Variants in WDR35 observed in about 807,000 individuals in gnomAD.
WDR35 encodes the protein WD repeat domain 35, also known as WD repeat-containing protein 35.
In WDR35, 118 loss-of-function variants were observed where a neutral mutation model predicts 158.3. That is an observed-to-expected ratio of 0.75 (90% confidence interval 0.64 to 0.87). The LOEUF (loss-of-function observed/expected upper bound fraction) is 0.87, where lower values mean the gene tolerates loss of function less well. Ranked by LOEUF, WDR35 falls within the 40% of genes least tolerant of loss-of-function variation. The pLI is 0.00. For missense variants in WDR35, 1,263 were observed against 1,405.8 expected, an observed-to-expected ratio of 0.90 and a Z score of 1.62; for synonymous variants, 448 against 476.1, an observed-to-expected ratio of 0.94 and a Z score of 0.77.
At chr2:19,982,680 G>A in intron 2 of WDR35, 146 bp from the exon 3 acceptor site, 1 of 840,350 alleles carries the variant, frequency 1.2e-6, no homozygotes, top group Non-Finnish European at 1.8e-6. Flanking sequence ...GTATAAACAT[G>A]AACAATAACA....
chr2:19,935,686 A>T, intron 20 of WDR35, 83 bp from the exon 21 acceptor site: 1 of 1,500,898 alleles, frequency 6.7e-7, no homozygotes, highest in Non-Finnish European at 9.1e-7. Context: ...ATGTTCCTTC[A>T]TCATAATTCC....
intron 25 of WDR35, among the ~76,000 whole-genome samples, chr2:19,924,303 G>T (rs1670286463): frequency 6.6e-6 from 1 of 152,136 alleles, no homozygotes; most frequent in Non-Finnish European, 1.5e-5. Flanking sequence ...AGTGGCTCAT[G>T]CCTGTAATCC....
intron 25 of WDR35, 24 bp from the exon 26 acceptor site, chr2:19,914,301 G>T (rs781726185): frequency 1.7e-5 from 27 of 1,613,448 alleles, no homozygotes; most frequent in South Asian, 9.9e-5. Context: ...GGCAATTGGG[G>T]TTTTTTAAAA....
At chr2:19,943,172 T>C (rs1670931360) in intron 16 of WDR35, among the ~76,000 whole-genome samples, 1 of 152,024 alleles carries the variant, frequency 6.6e-6, no homozygotes. Flanking sequence ...AAAAGTAATA[T>C]TAATAATGCA....
In WDR35 at chr2:19,954,442, T is replaced by C. The variant is rs568712780; in HGVS notation, c.1256-464A>G. Among the ~76,000 whole-genome samples, 213 of 152,282 alleles carry C rather than the reference T, an allele frequency of 1.4e-3. 2 individuals are homozygous for C. The highest frequency in any genetic ancestry group is 5.0e-3 in the African/African-American group (208 of 41,570). ...CGTGTATCTGAAAAGAAATTTTATCTAGAAAATATAAAGAACTCTTACAAC... is the reference window on the plus strand; with the variant it reads ...CGTGTATCTGAAAAGAAATTTTATCCAGAAAATATAAAGAACTCTTACAAC... On this transcript the variant is annotated intron_variant, in intron 11 of 26. Transcript: ENST00000281405.
At chr2:19,937,719 G>T in intron 19 of WDR35, 24 bp downstream of exon 19, 1 of 1,613,912 alleles carries the variant, frequency 6.2e-7, no homozygotes, top group South Asian at 1.1e-5. Context: ...AGTACTCAGG[G>T]ATGCCTGCGC....
chr2:19,980,887 G>T, intron 3 of WDR35, 104 bp from the exon 4 acceptor site: 1 of 1,001,786 alleles, frequency 1.0e-6, no homozygotes, highest in Non-Finnish European at 1.5e-6. Context: ...TATGGTTCCT[G>T]TACAGCTAAC....
intron 25 of WDR35, 141 bp from the exon 26 acceptor site, chr2:19,914,418 A>G: frequency 1.2e-5 from 13 of 1,069,144 alleles, no homozygotes; most frequent in Non-Finnish European, 1.8e-5. Flanking sequence ...AGATGGGAGC[A>G]CCAAGAGGAG....
At chr2:19,964,381 C>CTTTTTTTT (rs558586617) in intron 10 of WDR35, among the ~76,000 whole-genome samples, 82 of 113,416 alleles carry the variant, frequency 7.2e-4, no homozygotes, top group Non-Finnish European at 8.8e-4. Flanking sequence ...CTTTTCTTTT[C>CTTTTTTTT]TTTTTTTTTT....
intron 3 of WDR35, 30 bp from the exon 4 acceptor site, chr2:19,980,813 T>TA: frequency 1.3e-6 from 2 of 1,586,546 alleles, no homozygotes; most frequent in Non-Finnish European, 8.7e-7. Context: ...TTTAGAAACT[T>TA]AAAGGTTACA....
intron 10 of WDR35, among the ~76,000 whole-genome samples, chr2:19,965,112 A>T (rs999081860): frequency 6.6e-6 from 1 of 152,058 alleles, no homozygotes; most frequent in Non-Finnish European, 1.5e-5. Flanking sequence ...TAGTAGAGAC[A>T]GGGTTTCACC....
intron 3 of WDR35, among the ~76,000 whole-genome samples, chr2:19,982,160 T>C (rs912921071): frequency 9.9e-5 from 15 of 152,164 alleles, no homozygotes; most frequent in Admixed American, 6.5e-5. Context: ...TTACATAAGA[T>C]ATTCAACATT....
chr2:19,942,541 A>G (rs1297868622), intron 16 of WDR35, among the ~76,000 whole-genome samples: 1 of 150,416 alleles, frequency 6.6e-6, no homozygotes, highest in Non-Finnish European at 1.5e-5. Flanking sequence ...CATGTTTATC[A>G]TTAGAAATTT....
At chr2:19,989,047 G>T in intron 2 of WDR35, 118 bp downstream of exon 2, 1 of 902,856 alleles carries the variant, frequency 1.1e-6, no homozygotes, top group Non-Finnish European at 1.8e-6. Context: ...AAAATGTTTT[G>T]GTAGTTTTCC....
intron 25 of WDR35, among the ~76,000 whole-genome samples, chr2:19,923,538 A>G (rs1379393423): frequency 6.6e-6 from 1 of 152,208 alleles, no homozygotes; most frequent in Non-Finnish European, 1.5e-5. Flanking sequence ...CTAAAGCTAA[A>G]GCGGTAAAGG....
intron 2 of WDR35, among the ~76,000 whole-genome samples, chr2:19,982,908 A>G (rs1035338054): frequency 5.9e-5 from 9 of 152,230 alleles, no homozygotes; most frequent in African/African-American, 2.2e-4. Context: ...TAGATTACAC[A>G]GAATCTTATA....
At chr2:19,933,248 C>A (rs78685213) in intron 22 of WDR35, among the ~76,000 whole-genome samples, 153 bp downstream of exon 22, 10 of 152,146 alleles carry the variant, frequency 6.6e-5, no homozygotes, top group African/African-American at 2.4e-5. Flanking sequence ...TAAGAGAATA[C>A]CCGCCTGGCT....
At chr2:19,920,062 C>G (rs575991744) in intron 25 of WDR35, among the ~76,000 whole-genome samples, 2 of 152,282 alleles carry the variant, frequency 1.3e-5, no homozygotes, top group Admixed American at 1.3e-4. Context: ...AGATCAATAA[C>G]AAGTTCTGAA....
chr2:19,920,166 T>C (rs963930710), intron 25 of WDR35, among the ~76,000 whole-genome samples: 7 of 152,242 alleles, frequency 4.6e-5, no homozygotes, highest in African/African-American at 1.7e-4. Flanking sequence ...GAGGAGCTGG[T>C]ACTATTCCTT....
Sources: gnomAD v4.1 joint callset for allele counts (sites outside exome capture counted in the v4.1 genomes callset) on GRCh38, gnomAD v4.1.1 for gene constraint, MANE v1.5 for transcripts, NCBI Gene and HGNC (gene_info 2026-07-23, HGNC 2026-07-21) for gene names.